Variants in TBCCD1 observed in about 807,000 individuals in gnomAD.
TBCCD1 encodes the protein TBCC domain containing 1, also known as TBCC domain-containing protein 1.
Under a neutral mutation model 53.4 loss-of-function variants are expected in TBCCD1, and 26 were observed. That is an observed-to-expected ratio of 0.49 (90% CI 0.36 to 0.68). The LOEUF (loss-of-function observed/expected upper bound fraction) is 0.68. Ranked by LOEUF, TBCCD1 falls within the 30% of genes least tolerant of loss-of-function variation. TBCCD1 has a pLI of 0.00. For missense variants in TBCCD1, 558 were observed against 669.5 expected (o/e 0.83, Z 1.84); for synonymous variants, 245 against 241.7 (o/e 1.01, Z -0.13).
At chr3:186,560,010 G>T (rs1043374442) in intron 2 of TBCCD1, among the ~76,000 whole-genome samples, 1 of 152,084 alleles carries the variant, frequency 6.6e-6, no homozygotes, top group Non-Finnish European at 1.5e-5. Flanking sequence ...AGAACATTAG[G>T]TAAATAGAAT....
chr3:186,554,386 A>T lies in TBCCD1; in HGVS notation c.1412T>A (p.Ile471Asn). The change falls in exon 6 of 8, where the codon ATT becomes AAT. Residue 471 changes from isoleucine to asparagine, a missense_variant. Ile to Asn is a moderately radical substitution (Grantham distance 149). Transcript: ENST00000338733. Reference sequence around the variant, plus strand: ...TGTGTCCCCTTCCATTTCAAAGGGAATAATAAATACATAGAATTCACAAGG... The same window carrying T: ...TGTGTCCCCTTCCATTTCAAAGGGATTAATAAATACATAGAATTCACAAGG... The part of the protein sequence containing the change: ...LPPCEFYVFI[I>N]PFEMEGDTTE... 6.2e-6 allele frequency: 10 copies of T among 1,614,256 alleles called. No individual in the cohort carries two copies. Among genetic ancestry groups the T allele is most frequent in the Non-Finnish European group, 8.5e-6 (10 of 1,180,050 alleles).
At chr3:186,559,322 A>G (rs930417061) in intron 2 of TBCCD1, among the ~76,000 whole-genome samples, 2 of 152,262 alleles carry the variant, frequency 1.3e-5, no homozygotes, top group African/African-American at 4.8e-5. Flanking sequence ...TACCAGTGCA[A>G]TACCTGAAAT....
chr3:186,551,838 G>A (rs1193833787), intron 6 of TBCCD1, among the ~76,000 whole-genome samples: 1 of 152,128 alleles, frequency 6.6e-6, no homozygotes. Context: ...AGCCAGGCAT[G>A]GTAGCACATG....
intron 2 of TBCCD1, 73 bp downstream of exon 2, chr3:186,563,921 A>T: frequency 6.8e-7 from 1 of 1,474,826 alleles, no homozygotes; most frequent in Non-Finnish European, 9.0e-7. Context: ...TAATAAGCAA[A>T]AACATTTTTT....
intron 3 of TBCCD1, among the ~76,000 whole-genome samples, chr3:186,557,793 G>A (rs890487499): frequency 6.6e-6 from 1 of 152,140 alleles, no homozygotes; most frequent in African/African-American, 2.4e-5. Flanking sequence ...GTTCCAAATA[G>A]CAAAGAGATA....
intron 1 of TBCCD1, among the ~76,000 whole-genome samples, chr3:186,565,376 C>G (rs1266672392): frequency 6.6e-6 from 1 of 152,144 alleles, no homozygotes; most frequent in African/African-American, 2.4e-5. Flanking sequence ...TCCCAAAGTG[C>G]TAGGATTACA....
chr3:186,554,500 G>C lies in TBCCD1; in HGVS notation c.1298C>G (p.Thr433Ser). Residue 433 changes from threonine to serine, a missense_variant, in exon 6 of 8, where the codon ACT becomes AGT. Transcript: ENST00000338733. ...YPMLEDHMAR[T>S]GLATVPNYWD... ...ATAGTTAGGCACTGTAGCAAGGCCA[G>C]TCCTGGCCATATGGTCCTCTAGCAT... 6.2e-7 allele frequency: 1 copy of C among 1,614,250 alleles called. No homozygotes were observed. Among genetic ancestry groups the C allele is most frequent in the Non-Finnish European group, 8.5e-7 (1 of 1,180,054 alleles).
intron 2 of TBCCD1, among the ~76,000 whole-genome samples, chr3:186,560,434 G>T (rs1714662417): frequency 6.6e-6 from 1 of 152,066 alleles, no homozygotes; most frequent in African/African-American, 2.4e-5. Flanking sequence ...TTCTTCCTGG[G>T]TATGTAATTA....
intron 7 of TBCCD1, among the ~76,000 whole-genome samples, chr3:186,547,453 A>C (rs1714245759): frequency 6.6e-6 from 1 of 151,728 alleles, no homozygotes; most frequent in Non-Finnish European, 1.5e-5. Flanking sequence ...ACAGGGTCTC[A>C]TTATATTGCC....
At position 186,546,271 on chromosome 3, in the gene TBCCD1, T is replaced by C. The variant is rs994717121; in HGVS notation, c.*706A>G. 1.3e-5 allele frequency: 2 copies of C among 152,180 alleles called. No individual in the cohort carries two copies. Among genetic ancestry groups the C allele is most frequent in the Non-Finnish European group, 2.9e-5 (2 of 68,036 alleles). 9.4% of individuals were successfully genotyped at this position (152,180 alleles called of 1,614,324 possible). ...CCTTTTAAATAGTTACAAAGAACTA[T>C]AAAACTCTTATTTAACTCTAGAAAG... On this transcript the variant is annotated 3_prime_UTR_variant, in exon 8 of 8. Coordinates refer to ENST00000338733, the MANE Select transcript of TBCCD1 (RefSeq NM_018138.5).
chr3:186,567,438 T>C (rs1714873074), upstream of TBCCD1: 3 of 151,066 alleles, frequency 2.0e-5, no homozygotes, highest in Middle Eastern at 0.01. Context: ...AGCGGCAGAT[T>C]GCGGCTCAAG....
intron 3 of TBCCD1, 136 bp from the exon 4 acceptor site, chr3:186,556,911 A>T: frequency 8.9e-7 from 1 of 1,120,482 alleles, no homozygotes. Context: ...AACCTTATAA[A>T]GGTGATCCGC....
chr3:186,559,946 T>C (rs535282881), intron 2 of TBCCD1, among the ~76,000 whole-genome samples: 32 of 152,302 alleles, frequency 2.1e-4, no homozygotes, highest in African/African-American at 7.5e-4. Flanking sequence ...CACCCCTTCT[T>C]AGGCCCTTAG....
chr3:186,558,271 T>C lies in TBCCD1; in HGVS notation c.492+146A>G, dbSNP rs1714596454. ...AAGACTGTACACACTGATTTTGTTTTATAATTTAAAAAAAAAGTGAAAAAC... is the reference window on the plus strand; with the variant it reads ...AAGACTGTACACACTGATTTTGTTTCATAATTTAAAAAAAAAGTGAAAAAC... On this transcript the variant is annotated intron_variant, in intron 3 of 7. Coordinates refer to ENST00000338733, the MANE Select transcript of TBCCD1 (RefSeq NM_018138.5). 7.6e-6 allele frequency: 8 copies of C among 1,056,010 alleles called. No homozygotes were observed. The East Asian group carries it at 1.8e-4, about 23-fold the overall frequency. 65.4% of individuals were successfully genotyped at this position (1,056,010 alleles called of 1,614,324 possible). A position where few individuals can be genotyped will look rare whatever the true frequency, so the allele number is the denominator to read the frequency against.
chr3:186,562,802 T>C (rs1206459260), intron 2 of TBCCD1, among the ~76,000 whole-genome samples: 1 of 152,152 alleles, frequency 6.6e-6, no homozygotes, highest in African/African-American at 2.4e-5. Context: ...CATATACTTA[T>C]CCCCAAACTG....
chr3:186,554,249 C>T lies in TBCCD1; in HGVS notation c.1544+5G>A. 1 of 1,609,352 alleles carries T rather than the reference C, an allele frequency of 6.2e-7. No individual in the cohort carries two copies. The highest frequency in any genetic ancestry group is 8.5e-7 in the Non-Finnish European group (1 of 1,178,994). ...CACAAACTGTTACTTGTAAAAAATACTCACTTTGTCAAATGAGCCTCCTTC... is the reference window on the plus strand; with the variant it reads ...CACAAACTGTTACTTGTAAAAAATATTCACTTTGTCAAATGAGCCTCCTTC... On this transcript the variant is annotated splice_donor_5th_base_variant and intron_variant, in intron 6 of 7. Coordinates refer to ENST00000338733, the MANE Select transcript of TBCCD1 (RefSeq NM_018138.5).
intron 2 of TBCCD1, among the ~76,000 whole-genome samples, chr3:186,561,810 T>C (rs755305606): frequency 1.8e-4 from 27 of 151,980 alleles, no homozygotes; most frequent in Non-Finnish European, 3.4e-4. Context: ...AAATAAATAG[T>C]ATAGTGGTTT....
intron 7 of TBCCD1, among the ~76,000 whole-genome samples, chr3:186,548,354 G>A (rs145758777): frequency 6.6e-6 from 1 of 152,326 alleles, no homozygotes; most frequent in Non-Finnish European, 1.5e-5. Flanking sequence ...AAGGGGAAGA[G>A]GAAATGTAGG....
At position 186,546,332 on chromosome 3, in the gene TBCCD1, A is replaced by T. The variant is rs1560221058; in HGVS notation, c.*645T>A. 1 of 151,722 alleles carries T rather than the reference A, an allele frequency of 6.6e-6. No individual in the cohort carries two copies. The highest frequency in any genetic ancestry group is 1.5e-5 in the Non-Finnish European group (1 of 67,910). The allele number at this position is 151,722 out of a possible 1,614,324, so 9.4% of individuals were successfully genotyped here. A position where few individuals can be genotyped will look rare whatever the true frequency, so the allele number is the denominator to read the frequency against. On this transcript the variant is annotated 3_prime_UTR_variant, in exon 8 of 8. Coordinates refer to ENST00000338733, the MANE Select transcript of TBCCD1 (RefSeq NM_018138.5). ...TTTCATCACACAAATGAAGATACAC[A>T]CTATAGTTGCAAATCTACACTCAGT...
Sources: allele counts gnomAD v4.1 joint callset (sites outside exome capture counted in the v4.1 genomes callset), GRCh38; gene constraint gnomAD v4.1.1; transcripts MANE v1.5; gene names NCBI Gene and HGNC (gene_info 2026-07-23, HGNC 2026-07-21).